The following PDE4D variants were observed in gnomAD, a reference collection of about 807,000 sequenced individuals.
The protein encoded by PDE4D is phosphodiesterase 4D, also known as 3',5'-cyclic-AMP phosphodiesterase 4D.
A neutral mutation model predicts 87.4 loss-of-function variants in PDE4D; 24 were observed. The observed-to-expected ratio is 0.27, with a 90% CI of 0.20 to 0.39. The LOEUF is 0.39. Ranked by LOEUF, PDE4D falls within the 10% of genes least tolerant of loss-of-function variation. The pLI is 1.00. For missense variants in PDE4D, 714 were observed against 1,041.0 expected (o/e 0.69, Z 4.32); for synonymous variants, 384 against 383.2 (o/e 1.00, Z -0.02).
intron 2 of PDE4D, among the ~76,000 whole-genome samples, chr5:60,023,995 A>G (rs1224594140): frequency 6.6e-6 from 1 of 152,214 alleles, no homozygotes; most frequent in African/African-American, 2.4e-5. Flanking sequence ...TGTCTTAGTA[A>G]AACTAAAAAA....
At chr5:59,127,710 C>T (rs879763606) in intron 5 of PDE4D, among the ~76,000 whole-genome samples, 3 of 151,276 alleles carry the variant, frequency 2.0e-5, no homozygotes, top group African/African-American at 7.3e-5. Flanking sequence ...TGCCATTCTC[C>T]CTGATGATGA....
chr5:59,893,774 C>T, upstream of PDE4D: 1 of 1,344,686 alleles, frequency 7.4e-7, no homozygotes, highest in East Asian at 3.2e-5. Flanking sequence ...GGCGCCAGAG[C>T]CTCAGGGCTA....
chr5:60,165,795 G>C (rs1206015602), intron 2 of PDE4D, among the ~76,000 whole-genome samples: 1 of 150,768 alleles, frequency 6.6e-6, no homozygotes, highest in Non-Finnish European at 1.5e-5. Context: ...TGGGTCCCTT[G>C]AGGGCAGAAT....
At chr5:59,137,676 G>A (rs886184989) in intron 5 of PDE4D, among the ~76,000 whole-genome samples, 4 of 152,166 alleles carry the variant, frequency 2.6e-5, no homozygotes, top group South Asian at 2.1e-4. Context: ...ACAGGCGCCC[G>A]CCACCACGCG....
intron 1 of PDE4D, among the ~76,000 whole-genome samples, chr5:59,295,169 A>G (rs1373003515): frequency 1.3e-5 from 2 of 152,220 alleles, no homozygotes; most frequent in Admixed American, 1.3e-4. Context: ...TGGGATAATC[A>G]GATATCTATA....
chr5:60,458,842 T>G (rs1211197764), intron 1 of PDE4D, among the ~76,000 whole-genome samples: 1 of 151,944 alleles, frequency 6.6e-6, no homozygotes, highest in Non-Finnish European at 1.5e-5. Flanking sequence ...AACAAGCAAA[T>G]ATCAGAATAG....
At chr5:60,250,526 T>A (rs190658183) in intron 1 of PDE4D, among the ~76,000 whole-genome samples, 2 of 152,088 alleles carry the variant, frequency 1.3e-5, no homozygotes. Flanking sequence ...CATACTACAG[T>A]GGTCCCATTA....
chr5:58,985,706 G>A lies in PDE4D; in HGVS notation c.1552+2787C>T, dbSNP rs571966724. 2.6e-5 allele frequency among the ~76,000 whole-genome samples: 4 copies of A among 152,320 alleles called. No individual in the cohort carries two copies. The East Asian group carries it at 7.7e-4, about 29-fold the overall frequency. On this transcript the variant is annotated intron_variant, in intron 11 of 14. Coordinates refer to ENST00000340635, the MANE Select transcript of PDE4D (RefSeq NM_001104631.2). ...CAGCTCCAGCTCTGAGGCAAGAGCTGAGAATGTGCTGGCTTGACACATGGA... is the reference window on the plus strand; with the variant it reads ...CAGCTCCAGCTCTGAGGCAAGAGCTAAGAATGTGCTGGCTTGACACATGGA...
intron 2 of PDE4D, among the ~76,000 whole-genome samples, chr5:60,041,757 G>C (rs1007546918): frequency 2.6e-5 from 4 of 152,152 alleles, no homozygotes; most frequent in Admixed American, 2.6e-4. Flanking sequence ...TGTGAGGAAT[G>C]GTGCATTCCG....
intron 3 of PDE4D, among the ~76,000 whole-genome samples, chr5:59,189,547 T>G (rs544580661): frequency 6.6e-6 from 1 of 152,148 alleles, no homozygotes; most frequent in Non-Finnish European, 1.5e-5. Context: ...AGGGTAGTTG[T>G]GTCACAAATC....
rs1743235427 is a variant in PDE4D, at chr5:59,187,692, A to C, written c.685-2430T>G. Reference sequence around the variant, plus strand: ...TTCTATCTTAAAGTTGTTTTTGTACAAACACTGTTGCAATAAATAATCTTG... The same window carrying C: ...TTCTATCTTAAAGTTGTTTTTGTACCAACACTGTTGCAATAAATAATCTTG... On this transcript the variant is annotated intron_variant, in intron 3 of 14. Transcript: ENST00000340635. 3.3e-5 allele frequency among the ~76,000 whole-genome samples: 5 copies of C among 152,346 alleles called. No homozygotes were observed. In the South Asian group the frequency reaches 1.0e-3, roughly 32 times the overall value.
chr5:59,039,442 C>T (rs1021585502), intron 5 of PDE4D: 1 of 992,828 alleles, frequency 1.0e-6, no homozygotes. Flanking sequence ...CCACGCCCGC[C>T]CCGCCTGCCG....
chr5:59,854,060 G>A (rs886342114), intron 1 of PDE4D, among the ~76,000 whole-genome samples: 11 of 151,984 alleles, frequency 7.2e-5, no homozygotes, highest in African/African-American at 2.7e-4. Context: ...GGTGAAAAAT[G>A]TATGCATAAA....
chr5:60,144,612 A>G (rs1780839003), intron 2 of PDE4D, among the ~76,000 whole-genome samples: 1 of 152,168 alleles, frequency 6.6e-6, no homozygotes, highest in Admixed American at 6.6e-5. Context: ...GTCCTCCTCA[A>G]TGTTCCAAGT....
intron 3 of PDE4D, among the ~76,000 whole-genome samples, chr5:59,965,562 T>TAC: frequency 6.6e-6 from 1 of 152,174 alleles, no homozygotes; most frequent in Non-Finnish European, 1.5e-5. Context: ...ATTATCCCTG[T>TAC]TTCAGAGAGG....
intron 5 of PDE4D, among the ~76,000 whole-genome samples, chr5:59,167,960 G>A (rs1782157508): frequency 6.6e-6 from 1 of 152,020 alleles, no homozygotes; most frequent in Non-Finnish European, 1.5e-5. Context: ...GCAAACATCA[G>A]AAACATATCC....
At chr5:59,734,363 C>T (rs1311910028) in intron 1 of PDE4D, among the ~76,000 whole-genome samples, 1 of 152,108 alleles carries the variant, frequency 6.6e-6, no homozygotes, top group East Asian at 1.9e-4. Context: ...TAAGTTATAA[C>T]TCACACAACT....
intron 2 of PDE4D, among the ~76,000 whole-genome samples, chr5:60,125,148 C>A (rs527250067): frequency 1.3e-5 from 2 of 152,092 alleles, no homozygotes; most frequent in Non-Finnish European, 2.9e-5. Context: ...CTCAAGACTA[C>A]CATAACCAAC....
At chr5:59,608,142 T>C (rs1445790201) in intron 1 of PDE4D, among the ~76,000 whole-genome samples, 1 of 152,152 alleles carries the variant, frequency 6.6e-6, no homozygotes, top group Non-Finnish European at 1.5e-5. Flanking sequence ...CCTTACAGAA[T>C]TGCATTTCTC....
Sources: gnomAD v4.1 joint callset for allele counts (sites outside exome capture counted in the v4.1 genomes callset) on GRCh38, gnomAD v4.1.1 for gene constraint, MANE v1.5 for transcripts, NCBI Gene and HGNC (gene_info 2026-07-23, HGNC 2026-07-21) for gene names.